Variants in ITPR1 observed in about 807,000 individuals in gnomAD.
ITPR1 encodes the protein inositol 1,4,5-trisphosphate receptor type 1.
Under a neutral mutation model 318.4 loss-of-function variants are expected in ITPR1, and 96 were observed. The ratio of observed to expected loss-of-function variants is 0.30; its 90% CI spans 0.26 to 0.36. The LOEUF is 0.36. ITPR1 is among the 10% of genes least tolerant of loss of function. The pLI, the probability that ITPR1 is intolerant of heterozygous loss-of-function variation, is 1.00. For synonymous variants in ITPR1, 1,312 were observed against 1,289.9 expected, an observed-to-expected ratio of 1.02 and a Z score of -0.37; for missense variants, 2,440 against 3,460.2, an observed-to-expected ratio of 0.71 and a Z score of 7.40.
At chr3:4,778,093 C>T (rs1241986472) in intron 48 of ITPR1, among the ~76,000 whole-genome samples, 1 of 152,092 alleles carries the variant, frequency 6.6e-6, no homozygotes, top group African/African-American at 2.4e-5. Context: ...TCCAAGCTGG[C>T]CTTTTTTGGA....
chr3:4,728,694 T>C (rs1316130674), intron 42 of ITPR1, among the ~76,000 whole-genome samples: 1 of 152,228 alleles, frequency 6.6e-6, no homozygotes, highest in Non-Finnish European at 1.5e-5. Context: ...TGTTCATTTT[T>C]TGTAACTATT....
intron 4 of ITPR1, among the ~76,000 whole-genome samples, chr3:4,552,967 G>A (rs1037366221): frequency 6.6e-6 from 1 of 152,124 alleles, no homozygotes; most frequent in Admixed American, 6.5e-5. Context: ...GCCTAACTCC[G>A]CTGCTAGATT....
intron 52 of ITPR1, among the ~76,000 whole-genome samples, chr3:4,791,188 C>T (rs1430773981): frequency 2.0e-5 from 3 of 152,138 alleles, no homozygotes; most frequent in Non-Finnish European, 4.4e-5. Context: ...CTTGCCAATC[C>T]AGGATCACAG....
chr3:4,717,224 C>T lies in ITPR1; in HGVS notation c.5104-143C>T. ...GTGAGCTCTGGCCGTGTCCTAAGCG[C>T]CCAAGCCTCTTAGGATGGTTACCCA... On this transcript the variant is annotated intron_variant, in intron 39 of 61. Coordinates refer to ENST00000649015, the MANE Select transcript of ITPR1 (RefSeq NM_001378452.1). The T allele has an allele frequency of 1.4e-5, 10 of 738,716 alleles. 1 individual carries two copies. The South Asian group carries it at 1.7e-4, about 13-fold the overall frequency. The allele number at this position is 738,716 out of a possible 1,614,324, so 45.8% of individuals were successfully genotyped here. A position where few individuals can be genotyped will look rare whatever the true frequency, so the allele number is the denominator to read the frequency against.
intron 40 of ITPR1, among the ~76,000 whole-genome samples, chr3:4,719,293 G>A (rs1161729322): frequency 2.0e-5 from 3 of 152,230 alleles, no homozygotes; most frequent in Non-Finnish European, 2.9e-5. Flanking sequence ...AACTGCCAGC[G>A]CTGGGACACC....
chr3:4,824,708 G>A (rs1471480159), intron 60 of ITPR1, among the ~76,000 whole-genome samples: 1 of 152,144 alleles, frequency 6.6e-6, no homozygotes, highest in Non-Finnish European at 1.5e-5. Context: ...ATCTCCCGGG[G>A]ATACTGACCG....
intron 4 of ITPR1, among the ~76,000 whole-genome samples, chr3:4,523,155 G>A (rs541451367): frequency 7.2e-5 from 11 of 152,274 alleles, no homozygotes; most frequent in Admixed American, 3.3e-4. Flanking sequence ...AGGGATATGC[G>A]TCCGGAAGGC....
chr3:4,625,747 C>T (rs943785393), intron 4 of ITPR1, among the ~76,000 whole-genome samples: 8 of 152,078 alleles, frequency 5.3e-5, no homozygotes, highest in East Asian at 3.9e-4. Flanking sequence ...TTAGTAGAGG[C>T]GGGGTTTCAC....
intron 44 of ITPR1, among the ~76,000 whole-genome samples, chr3:4,764,871 C>G (rs1374136958): frequency 6.6e-6 from 1 of 152,080 alleles, no homozygotes; most frequent in Non-Finnish European, 1.5e-5. Flanking sequence ...AAGGTCTAGG[C>G]TCCTTTTTGT....
At chr3:4,511,458 C>T (rs916033345) in intron 2 of ITPR1, among the ~76,000 whole-genome samples, 18 of 152,162 alleles carry the variant, frequency 1.2e-4, no homozygotes, top group African/African-American at 4.3e-4. Flanking sequence ...TTGCCTTGGC[C>T]AAAGCCACCC....
intron 2 of ITPR1, among the ~76,000 whole-genome samples, chr3:4,495,038 G>A (rs1428241591): frequency 1.3e-5 from 2 of 152,186 alleles, no homozygotes; most frequent in African/African-American, 4.8e-5. Flanking sequence ...TCCAGCCCTT[G>A]ACTCAAGCCA....
intron 20 of ITPR1, among the ~76,000 whole-genome samples, chr3:4,672,468 G>A (rs767350368): frequency 5.9e-5 from 9 of 152,226 alleles, no homozygotes; most frequent in Non-Finnish European, 1.3e-4. Context: ...TTGAAAGCCT[G>A]TGGCTTTCTC....
In ITPR1 at chr3:4,710,335, C is replaced by A; in HGVS notation, c.4853C>A (p.Ser1618Tyr). 6.4e-7 allele frequency: 1 copy of A among 1,560,474 alleles called. No individual in the cohort carries two copies. The highest frequency in any genetic ancestry group is 8.7e-7 in the Non-Finnish European group (1 of 1,149,022). The part of the protein sequence containing the change: ...NIIERLQDIV[S>Y]ALEDRLRPLV... ...GTGTTTCCGTTTTAGGACATCGTCT[C>A]CGCGCTGGAGGACCGTCTCAGGCCC... Residue 1618 changes from serine to tyrosine, a missense_variant, in exon 38 of 62, where the codon TCC (serine) becomes TAC (tyrosine). Ser to Tyr is a moderately radical substitution (Grantham distance 144). Coordinates refer to ENST00000649015, the MANE Select transcript of ITPR1 (RefSeq NM_001378452.1). This position sits in a 1 kb window ranked among gnomAD's most constrained non-coding sequence, Gnocchi z 4.2.
Position 4,581,244 on chromosome 3 carries a change from T to C in ITPR1, c.164-46519T>C, listed in dbSNP as rs910239745. The stretch of plus-strand genomic sequence containing the variant: ...GGAGGACCAGGCAAGGTCAGCACCT[T>C]CTGTGCTACAGAGAGGCCCATGTGA... On this transcript the variant is annotated intron_variant, in intron 4 of 61. Transcript: ENST00000649015. Among the ~76,000 whole-genome samples, 16 of 152,296 alleles carry C rather than the reference T, an allele frequency of 1.1e-4. No individual in the cohort carries two copies. The East Asian group carries it at 3.1e-3, about 29-fold the overall frequency.
intron 60 of ITPR1, among the ~76,000 whole-genome samples, chr3:4,829,850 A>ATCAC (rs1264259794): frequency 7.3e-6 from 1 of 137,312 alleles, no homozygotes; most frequent in African/African-American, 2.6e-5. Flanking sequence ...CCTCCTATTT[A>ATCAC]TCACTCCCTC....
At chr3:4,790,404 T>A (rs568642197) in intron 52 of ITPR1, among the ~76,000 whole-genome samples, 72 of 152,364 alleles carry the variant, frequency 4.7e-4, no homozygotes, top group African/African-American at 1.7e-3. Flanking sequence ...TTTCAGTCAT[T>A]CTTTTTTTGA....
At chr3:4,800,334 T>C in intron 53 of ITPR1, 91 bp from the exon 54 acceptor site, 1 of 1,353,018 alleles carries the variant, frequency 7.4e-7, no homozygotes, top group South Asian at 1.3e-5. Flanking sequence ...AAAAAGTTAT[T>C]GAGGAATCTG....
chr3:4,531,105 C>T (rs919690956), intron 4 of ITPR1, among the ~76,000 whole-genome samples: 1 of 152,110 alleles, frequency 6.6e-6, no homozygotes, highest in Non-Finnish European at 1.5e-5. Context: ...CCTGAACCCA[C>T]AGAGGGTTAG....
rs143400056 is a variant in ITPR1 at position 4,810,225 on chromosome 3, G to A, written c.7273-1040G>A. Among the ~76,000 whole-genome samples, 420 of 152,272 alleles carry A rather than the reference G, an allele frequency of 2.8e-3. 1 individual carries two copies. The highest frequency in any genetic ancestry group is 9.4e-3 in the African/African-American group (392 of 41,554). On this transcript the variant is annotated intron_variant, in intron 55 of 61. Coordinates refer to ENST00000649015, the MANE Select transcript of ITPR1 (RefSeq NM_001378452.1). ...GGTGCAGTCACACCCCAAAGCCACA[G>A]TGGAGACCAAACCTTCTGTACAGGA...
Sources: allele counts gnomAD v4.1 joint callset (sites outside exome capture counted in the v4.1 genomes callset), GRCh38; gene constraint gnomAD v4.1.1; non-coding constraint Gnocchi (gnomAD v3.1); transcripts MANE v1.5; gene names NCBI Gene and HGNC (gene_info 2026-07-23, HGNC 2026-07-21).